KIFAP3: variants seen among roughly 807,000 people sequenced by gnomAD.
KIFAP3 encodes the protein kinesin-associated protein 3.
KIFAP3 carries 68 observed loss-of-function variants against 106.5 expected under a neutral mutation model. The observed-to-expected ratio is 0.64, with a 90% CI of 0.53 to 0.78. The LOEUF is 0.78. KIFAP3 is among the 30% of genes least tolerant of loss of function. The pLI is 0.00. For missense variants in KIFAP3, 780 were observed against 941.8 expected (o/e 0.83, Z 2.25); for synonymous variants, 320 against 311.5 (o/e 1.03, Z -0.29).
intron 14 of KIFAP3, 33 bp downstream of exon 14, chr1:169,982,669 T>C: frequency 1.4e-6 from 2 of 1,414,438 alleles, no homozygotes; most frequent in Non-Finnish European, 9.6e-7. Context: ...AATAACTTAG[T>C]GATTATACAA....
chr1:170,013,207 T>G (rs1668330565), intron 10 of KIFAP3, among the ~76,000 whole-genome samples: 1 of 152,126 alleles, frequency 6.6e-6, no homozygotes, highest in South Asian at 2.1e-4. Flanking sequence ...TTCTGTTGTT[T>G]ATAAGTCACC....
At chr1:169,961,694 A>C (rs923923663) in intron 17 of KIFAP3, among the ~76,000 whole-genome samples, 1 of 151,998 alleles carries the variant, frequency 6.6e-6, no homozygotes, top group Admixed American at 6.6e-5. Flanking sequence ...TCCTCAGCCT[A>C]CTCAATGTGA....
chr1:169,945,052 G>A (rs1310650285), intron 19 of KIFAP3, among the ~76,000 whole-genome samples: 1 of 152,092 alleles, frequency 6.6e-6, no homozygotes, highest in African/African-American at 2.4e-5. Flanking sequence ...GGGTGCCCAG[G>A]CAGCCCATAC....
intron 19 of KIFAP3, among the ~76,000 whole-genome samples, chr1:169,923,882 C>T (rs1662967091): frequency 6.6e-6 from 1 of 152,146 alleles, no homozygotes; most frequent in Non-Finnish European, 1.5e-5. Context: ...TAAGCTATAA[C>T]ACCATAAGGA....
In KIFAP3 at chr1:170,028,370, G is replaced by A. The variant is rs554577298; in HGVS notation, c.841+3516C>T. 2.4e-4 allele frequency among the ~76,000 whole-genome samples: 36 copies of A among 151,878 alleles called. No homozygotes were observed. The East Asian group carries it at 3.5e-3, about 15-fold the overall frequency. On this transcript the variant is annotated intron_variant, in intron 8 of 19. Coordinates refer to ENST00000361580, the MANE Select transcript of KIFAP3 (RefSeq NM_014970.4). ...GCTTTTTTTTCTGAGACGGAGTCTC[G>A]CTCTGTCACCTGACTGGAGTGCAAT... is the stretch of plus-strand genomic sequence containing the variant.
chr1:169,957,751 C>T (rs552581116), intron 18 of KIFAP3, among the ~76,000 whole-genome samples: 174 of 152,126 alleles, frequency 1.1e-3, no homozygotes, highest in Non-Finnish European at 2.0e-3. Context: ...CTCAGCCTCC[C>T]GAGTAGCTGG....
chr1:170,038,222 C>A, intron 5 of KIFAP3, 68 bp downstream of exon 5: 1 of 1,251,084 alleles, frequency 8.0e-7, no homozygotes, highest in Non-Finnish European at 1.1e-6. Flanking sequence ...TATATGAAGT[C>A]TTAAGTTTTG....
intron 7 of KIFAP3, 54 bp from the exon 8 acceptor site, chr1:170,032,038 G>A: frequency 1.0e-6 from 1 of 981,612 alleles, no homozygotes; most frequent in Non-Finnish European, 1.6e-6. Flanking sequence ...AAAATCTACT[G>A]ATAAATTCTA....
chr1:170,044,927 C>G (rs922890432), intron 3 of KIFAP3, among the ~76,000 whole-genome samples: 1 of 152,140 alleles, frequency 6.6e-6, no homozygotes, highest in African/African-American at 2.4e-5. Context: ...TAGCTTATGA[C>G]AAGTAAAGTA....
chr1:170,083,472 C>T (rs755547855), intron 1 of KIFAP3, among the ~76,000 whole-genome samples: 10 of 152,064 alleles, frequency 6.6e-5, no homozygotes, highest in Non-Finnish European at 1.2e-4. Flanking sequence ...CCTGTTCTAC[C>T]GCTTATTTAC....
intron 10 of KIFAP3, among the ~76,000 whole-genome samples, chr1:169,996,109 A>G (rs1428016023): frequency 6.6e-6 from 1 of 152,128 alleles, no homozygotes; most frequent in Non-Finnish European, 1.5e-5. Flanking sequence ...AATTTCCAAA[A>G]GTAGGATGAT....
chr1:170,026,053 G>GT (rs1342415680), intron 8 of KIFAP3, among the ~76,000 whole-genome samples: 1 of 152,142 alleles, frequency 6.6e-6, no homozygotes, highest in Non-Finnish European at 1.5e-5. Context: ...GACCGACAGA[G>GT]TGGGAAGAAG....
chr1:170,053,149 C>T (rs1019752072), intron 2 of KIFAP3, among the ~76,000 whole-genome samples: 10 of 152,174 alleles, frequency 6.6e-5, no homozygotes, highest in African/African-American at 1.9e-4. Flanking sequence ...GCAAAATTCT[C>T]AGTATACAAA....
At chr1:170,016,294 T>C (rs534612629) in intron 10 of KIFAP3, among the ~76,000 whole-genome samples, 168 bp downstream of exon 10, 2 of 152,312 alleles carry the variant, frequency 1.3e-5, no homozygotes, top group Non-Finnish European at 2.9e-5. Context: ...ATGGAAATCC[T>C]GGTACAGGTC....
In KIFAP3 at chr1:169,978,130, T is replaced by C. The variant is rs1202258390; in HGVS notation, c.1852A>G (p.Met618Val). 1.2e-6 allele frequency: 2 copies of C among 1,612,654 alleles called. No individual in the cohort carries two copies. The highest frequency in any genetic ancestry group is 4.5e-5 in the East Asian group (2 of 44,734). The change falls in exon 16 of 20, where the codon ATG becomes GTG. Residue 618 changes from methionine (M) to valine (V), a missense_variant. Physicochemically the swap from Met to Val is conservative, Grantham distance 21 (BLOSUM62 1). Coordinates refer to ENST00000361580, the MANE Select transcript of KIFAP3 (RefSeq NM_014970.4). Reference sequence around the variant, plus strand: ...TCTCTTGTGGCTTGGTGGAAAACCATCTGGTAGAAGACATAAATTATCTGA... The same window carrying C: ...TCTCTTGTGGCTTGGTGGAAAACCACCTGGTAGAAGACATAAATTATCTGA... ...VCQIIYVFYQ[M>V]VFHQATRDVI... is the part of the protein sequence containing the mutation.
chr1:170,033,761 A>G (rs1669537315), intron 7 of KIFAP3, among the ~76,000 whole-genome samples: 1 of 151,800 alleles, frequency 6.6e-6, no homozygotes, highest in Admixed American at 6.6e-5. Context: ...GGTGAAATAA[A>G]TAAACACTGA....
rs371023476 is a variant in KIFAP3 at position 169,961,050 on chromosome 1, G to A, written c.2169C>T (p.Asn723=). 9.9e-6 allele frequency: 16 copies of A among 1,610,434 alleles called. No homozygotes were observed. In the African/African-American group the frequency reaches 2.0e-4, roughly 20 times the overall value. ...DILERPDLFY[N]SDGLIASEGA... ...TACTTTCGCTTTGGTTATCACCTGA[G>A]TTGTAGAAAAGGTCAGGTCTTTCGA... Residue 723 remains asparagine, a synonymous_variant, in exon 18 of 20, where the codon AAC becomes AAT. Transcript: ENST00000361580.
intron 1 of KIFAP3, among the ~76,000 whole-genome samples, chr1:170,063,513 C>G (rs1314429503): frequency 1.3e-5 from 2 of 152,242 alleles, no homozygotes; most frequent in East Asian, 3.9e-4. Flanking sequence ...CCCTAACTTC[C>G]AACTTTTGGG....
chr1:170,000,034 T>A (rs531365665), intron 10 of KIFAP3, among the ~76,000 whole-genome samples: 1 of 152,234 alleles, frequency 6.6e-6, no homozygotes, highest in South Asian at 2.1e-4. Context: ...GGTTTTGAAT[T>A]TTAAAATGTC....
Sources: gnomAD v4.1 joint callset for allele counts (sites outside exome capture counted in the v4.1 genomes callset) on GRCh38, gnomAD v4.1.1 for gene constraint, MANE v1.5 for transcripts, NCBI Gene and HGNC (gene_info 2026-07-23, HGNC 2026-07-21) for gene names.